TTC7B: variants seen among roughly 807,000 people sequenced by gnomAD.
TTC7B encodes tetratricopeptide repeat protein 7B.
In TTC7B, 28 loss-of-function variants were observed where a neutral mutation model predicts 106.8. That is an observed-to-expected ratio of 0.26 (90% CI 0.19 to 0.36). The LOEUF (loss-of-function observed/expected upper bound fraction) is 0.36, where lower values mean the gene tolerates loss of function less well. TTC7B is among the 10% of genes least tolerant of loss of function. The pLI, the probability that TTC7B is intolerant of heterozygous loss-of-function variation, is 1.00. For synonymous variants in TTC7B, 405 were observed against 430.6 expected, an observed-to-expected ratio of 0.94 and a Z score of 0.74; for missense variants, 862 against 1,076.4, an observed-to-expected ratio of 0.80 and a Z score of 2.79.
intron 5 of TTC7B, among the ~76,000 whole-genome samples, chr14:90,706,397 T>A (rs1218167022): frequency 1.3e-5 from 2 of 152,074 alleles, no homozygotes; most frequent in Non-Finnish European, 1.5e-5. Context: ...TCTCCTGACC[T>A]CATGATCCAC....
intron 9 of TTC7B, among the ~76,000 whole-genome samples, chr14:90,668,987 A>T (rs1173504733): frequency 6.6e-6 from 1 of 152,190 alleles, no homozygotes; most frequent in Non-Finnish European, 1.5e-5. Flanking sequence ...CAGAAATTAA[A>T]ATAGTATGGT....
chr14:90,610,247 C>A (rs1218220460), intron 17 of TTC7B, among the ~76,000 whole-genome samples: 1 of 152,250 alleles, frequency 6.6e-6, no homozygotes. Flanking sequence ...GGAACACACA[C>A]ACGACGAGGT....
intron 3 of TTC7B, among the ~76,000 whole-genome samples, chr14:90,779,697 G>C (rs1438818152): frequency 6.6e-6 from 1 of 152,202 alleles, no homozygotes; most frequent in Non-Finnish European, 1.5e-5. Context: ...CCTCCTAAGA[G>C]CCCCATGAAG....
intron 19 of TTC7B, among the ~76,000 whole-genome samples, chr14:90,551,447 C>G (rs767566267): frequency 1.3e-4 from 20 of 152,106 alleles, no homozygotes; most frequent in Non-Finnish European, 2.5e-4. Context: ...AGAGCTCCAG[C>G]CCCTTCCCAT....
At chr14:90,765,745 G>C (rs557573793) in intron 3 of TTC7B, among the ~76,000 whole-genome samples, 96 of 152,310 alleles carry the variant, frequency 6.3e-4, no homozygotes, top group South Asian at 5.4e-3. Flanking sequence ...GCAGGAGCTA[G>C]GGTGGGCAAA....
chr14:90,610,870 C>CT, intron 16 of TTC7B, 31 bp from the exon 17 acceptor site: 2 of 1,528,578 alleles, frequency 1.3e-6, no homozygotes, highest in Non-Finnish European at 9.1e-7. Flanking sequence ...TGTCAGTCAC[C>CT]TGCAAGGTGG....
At chr14:90,549,127 CA>C (rs34890535) in intron 19 of TTC7B, among the ~76,000 whole-genome samples, 9,237 of 103,486 alleles carry the variant, frequency 0.089, 361 homozygotes, top group African/African-American at 0.17. Flanking sequence ...GACTCCGTCT[CA>C]AAAAAAAAAA....
Position 90,550,310 on chromosome 14 carries a change from G to A in TTC7B, c.2311-8721C>T, listed in dbSNP as rs998845516. Among the ~76,000 whole-genome samples, 17 of 152,288 alleles carry A rather than the reference G, an allele frequency of 1.1e-4. No individual in the cohort carries two copies. In the South Asian group the frequency reaches 1.7e-3, roughly 15 times the overall value. ...GCCTCATCTGTTGATGTATAGGACC[G>A]AACTGTAATGCACCTAAATGTTATG... On this transcript the variant is annotated intron_variant, in intron 19 of 19. Transcript: ENST00000328459.
rs114496222 is a variant in TTC7B at position 90,558,147 on chromosome 14, G to A, written c.2311-16558C>T. Among the ~76,000 whole-genome samples the A allele has an allele frequency of 3.5e-3, 529 of 152,410 alleles. 5 individuals are homozygous for A. The highest frequency in any genetic ancestry group is 0.012 in the African/African-American group (502 of 41,608). ...GTCCAGCCCAGGGTCCACTTGGGAA[G>A]GCCAGCCTCCGTGCCAGGGTGCCCC... On this transcript the variant is annotated intron_variant, in intron 19 of 19. Coordinates refer to ENST00000328459, the MANE Select transcript of TTC7B (RefSeq NM_001010854.2).
At position 90,607,124 on chromosome 14, in the gene TTC7B, T is replaced by A. The variant is rs563358520; in HGVS notation, c.1966+3618A>T. Among the ~76,000 whole-genome samples, 69 of 152,202 alleles carry A rather than the reference T, an allele frequency of 4.5e-4. 1 individual carries two copies. The highest frequency in any genetic ancestry group is 1.3e-4 in the Non-Finnish European group (9 of 68,038). On this transcript the variant is annotated intron_variant, in intron 17 of 19. Coordinates refer to ENST00000328459, the MANE Select transcript of TTC7B (RefSeq NM_001010854.2). The stretch of plus-strand genomic sequence containing the variant: ...CACTGGTGGGTAACGGGAATATTAG[T>A]ATCTCTGTTCTGGCATTTTAGAAAT...
chr14:90,676,734 C>G, intron 8 of TTC7B, 74 bp from the exon 9 acceptor site: 1 of 1,520,682 alleles, frequency 6.6e-7, no homozygotes, highest in South Asian at 1.2e-5. Flanking sequence ...CACCTAGGCC[C>G]TCCTGCCCCT....
At chr14:90,787,921 G>A (rs543891667) in intron 1 of TTC7B, among the ~76,000 whole-genome samples, 6 of 152,278 alleles carry the variant, frequency 3.9e-5, no homozygotes, top group African/African-American at 1.4e-4. Flanking sequence ...CCAACACTTT[G>A]GGAGGCTGAG....
chr14:90,725,528 G>A (rs1889065652), intron 5 of TTC7B, among the ~76,000 whole-genome samples: 2 of 152,186 alleles, frequency 1.3e-5, no homozygotes, highest in African/African-American at 2.4e-5. Context: ...ATGCATAGTG[G>A]TGATGAGTGG....
intron 1 of TTC7B, among the ~76,000 whole-genome samples, chr14:90,798,885 A>G (rs544065318): frequency 6.6e-6 from 1 of 152,140 alleles, no homozygotes; most frequent in African/African-American, 2.4e-5. Flanking sequence ...ATACCCTATA[A>G]TTCGATTTTT....
chr14:90,585,161 G>T (rs1196070910), intron 18 of TTC7B, among the ~76,000 whole-genome samples: 1 of 152,156 alleles, frequency 6.6e-6, no homozygotes, highest in Non-Finnish European at 1.5e-5. Flanking sequence ...CTCATTGAAG[G>T]CCCAGCCAAA....
intron 19 of TTC7B, among the ~76,000 whole-genome samples, chr14:90,550,857 T>G (rs893149209): frequency 1.3e-5 from 2 of 152,040 alleles, no homozygotes; most frequent in African/African-American, 2.4e-5. Flanking sequence ...TGTGGGGTAG[T>G]AGGGAAGGAG....
chr14:90,716,154 A>T (rs1389351019), intron 5 of TTC7B, among the ~76,000 whole-genome samples: 1 of 152,174 alleles, frequency 6.6e-6, no homozygotes, highest in Non-Finnish European at 1.5e-5. Flanking sequence ...TTTACAGCCA[A>T]GAAGGAGGGT....
chr14:90,586,111 G>A (rs765668149), intron 18 of TTC7B, among the ~76,000 whole-genome samples: 3 of 152,252 alleles, frequency 2.0e-5, no homozygotes, highest in East Asian at 1.9e-4. Context: ...AGTGTGTGGC[G>A]GGGCCAGGGT....
At chr14:90,708,145 CAAAAAAAAAAAAAAAAA>C (rs56260414) in intron 5 of TTC7B, among the ~76,000 whole-genome samples, 1 of 61,318 alleles carries the variant, frequency 1.6e-5, no homozygotes, top group Non-Finnish European at 3.0e-5. Flanking sequence ...GACTCCATCT[CAAAAAAAAAAAAAAAAA>C]AAAAAAAAGT....
Sources: gnomAD v4.1 joint callset for allele counts (sites outside exome capture counted in the v4.1 genomes callset) on GRCh38, gnomAD v4.1.1 for gene constraint, MANE v1.5 for transcripts, NCBI Gene and HGNC (gene_info 2026-07-23, HGNC 2026-07-21) for gene names.